Variants in KIF2A observed in about 807,000 individuals in gnomAD.
KIF2A encodes the protein kinesin family member 2A.
Under a neutral mutation model 100.2 loss-of-function variants are expected in KIF2A, and 22 were observed. The observed-to-expected ratio is 0.22, with a 90% CI of 0.16 to 0.31. The LOEUF (loss-of-function observed/expected upper bound fraction) is 0.31. KIF2A is among the 10% of genes least tolerant of loss of function. The probability of loss-of-function intolerance (pLI) is 1.00; values close to 1 mark genes in which losing one functional copy is unlikely to be tolerated. For missense variants in KIF2A, 495 were observed against 898.7 expected, an observed-to-expected ratio of 0.55 and a Z score of 5.74; for synonymous variants, 268 against 285.9, an observed-to-expected ratio of 0.94 and a Z score of 0.63.
At chr5:62,384,740 T>G (rs1434660030) in intron 20 of KIF2A, among the ~76,000 whole-genome samples, 1 of 152,148 alleles carries the variant, frequency 6.6e-6, no homozygotes, top group Non-Finnish European at 1.5e-5. Flanking sequence ...AATCAAGAAA[T>G]ATATCATTTA....
chr5:62,363,043 G>A (rs1748486564), intron 12 of KIF2A, 135 bp from the exon 13 acceptor site: 2 of 633,140 alleles, frequency 3.2e-6, no homozygotes. Context: ...GCCCAGGCTG[G>A]TTTTGAACTC....
rs1222003112 is a variant in KIF2A, at chr5:62,363,124, A to C, written c.1120-54A>C. Reference sequence around the variant, plus strand: ...ATTACAGGCGTGAGCCATTGCACCTAGCCTGTTTTTTACTTTAAAGCTAGT... The same window carrying C: ...ATTACAGGCGTGAGCCATTGCACCTCGCCTGTTTTTTACTTTAAAGCTAGT... On this transcript the variant is annotated intron_variant, in intron 12 of 20. Coordinates refer to ENST00000407818, the MANE Select transcript of KIF2A (RefSeq NM_001098511.3). 6.9e-6 allele frequency: 10 copies of C among 1,448,464 alleles called. No homozygotes were observed. In the South Asian group the frequency reaches 1.0e-4, roughly 15 times the overall value. The allele number at this position is 1,448,464 out of a possible 1,614,324, so 89.7% of individuals were successfully genotyped here.
intron 1 of KIF2A, among the ~76,000 whole-genome samples, chr5:62,315,249 CA>C (rs765995590): frequency 0.34 from 22,691 of 66,638 alleles, 1,697 homozygotes; most frequent in Middle Eastern, 0.43. Flanking sequence ...AAAAACAGAC[CA>C]AAAAAAAAAA....
intron 1 of KIF2A, among the ~76,000 whole-genome samples, chr5:62,319,652 C>T (rs966212410): frequency 1.3e-5 from 2 of 152,190 alleles, no homozygotes; most frequent in African/African-American, 4.8e-5. Flanking sequence ...TATCTGTTTG[C>T]TGAATCAGTG....
In KIF2A at chr5:62,347,278, A is replaced by G. The variant is rs566464920; in HGVS notation, c.159+54A>G. The G allele has an allele frequency of 4.3e-6, 4 of 927,648 alleles. No individual in the cohort carries two copies. In the East Asian group the frequency reaches 1.0e-4, roughly 24 times the overall value. The allele number at this position is 927,648 out of a possible 1,614,324, so 57.5% of individuals were successfully genotyped here. On this transcript the variant is annotated intron_variant, in intron 2 of 20. Transcript: ENST00000407818. The stretch of plus-strand genomic sequence containing the variant: ...TAGTCCTGCAATCAAGATTCTGAAT[A>G]TAAAACAAAACAGAAAAGTACATAA...
chr5:62,320,403 A>G (rs1411848323), intron 1 of KIF2A, among the ~76,000 whole-genome samples: 1 of 152,198 alleles, frequency 6.6e-6, no homozygotes, highest in Non-Finnish European at 1.5e-5. Context: ...ATAATTGTGT[A>G]TGTGTAATTT....
intron 1 of KIF2A, among the ~76,000 whole-genome samples, chr5:62,319,899 GTATGTATA>G (rs1026423081): frequency 3.7e-4 from 57 of 152,212 alleles, no homozygotes; most frequent in African/African-American, 9.6e-4. Flanking sequence ...ATGTATGTAT[GTATGTATA>G]TATCTATTAG....
chr5:62,345,925 A>G (rs2111902692), intron 1 of KIF2A, among the ~76,000 whole-genome samples: 1 of 152,218 alleles, frequency 6.6e-6, no homozygotes, highest in Admixed American at 6.5e-5. Flanking sequence ...GATGAAATAA[A>G]TTTTTTAAAA....
chr5:62,326,337 T>C lies in KIF2A; in HGVS notation c.64+19801T>C, dbSNP rs537855407. ...TCTCAAATAGAAATCTTATTGATAATGCCAGCTTCCCTCATTCCTTGAGGA... is the reference window on the plus strand; with the variant it reads ...TCTCAAATAGAAATCTTATTGATAACGCCAGCTTCCCTCATTCCTTGAGGA... On this transcript the variant is annotated intron_variant, in intron 1 of 20. Coordinates refer to ENST00000407818, the MANE Select transcript of KIF2A (RefSeq NM_001098511.3). 6.6e-5 allele frequency among the ~76,000 whole-genome samples: 10 copies of C among 152,280 alleles called. No homozygotes were observed. The South Asian group carries it at 1.9e-3, about 28-fold the overall frequency.
intron 6 of KIF2A, among the ~76,000 whole-genome samples, 182 bp downstream of exon 6, chr5:62,353,557 T>C (rs1235521574): frequency 1.3e-5 from 2 of 152,184 alleles, no homozygotes; most frequent in African/African-American, 4.8e-5. Context: ...AACACATTTT[T>C]ACTGCATTGT....
At chr5:62,333,163 C>A (rs1746744297) in intron 1 of KIF2A, among the ~76,000 whole-genome samples, 1 of 152,190 alleles carries the variant, frequency 6.6e-6, no homozygotes, top group South Asian at 2.1e-4. Flanking sequence ...AGTTTTGTCA[C>A]ATACAAATAT....
intron 1 of KIF2A, among the ~76,000 whole-genome samples, chr5:62,309,421 G>A (rs903961056): frequency 1.3e-5 from 2 of 152,172 alleles, no homozygotes; most frequent in African/African-American, 4.8e-5. Context: ...AGAGAACTTC[G>A]AAAGAACAGA....
intron 15 of KIF2A, 100 bp from the exon 16 acceptor site, chr5:62,366,314 T>A: frequency 1.4e-6 from 1 of 706,558 alleles, no homozygotes; most frequent in Non-Finnish European, 2.5e-6. Flanking sequence ...TATTTTTAAA[T>A]AACCATGGTA....
At chr5:62,377,981 CT>C (rs1459561125) in intron 19 of KIF2A, among the ~76,000 whole-genome samples, 1 of 152,168 alleles carries the variant, frequency 6.6e-6, no homozygotes, top group Admixed American at 6.5e-5. Flanking sequence ...CTTTATTTAC[CT>C]CCCGTCCCCC....
At chr5:62,383,087 C>A (rs1301858538) in intron 20 of KIF2A, among the ~76,000 whole-genome samples, 1 of 150,946 alleles carries the variant, frequency 6.6e-6, no homozygotes, top group East Asian at 1.9e-4. Context: ...CCACTGTACC[C>A]GGCTACTTTT....
At chr5:62,347,515 GTGT>G (rs1747632291) in intron 2 of KIF2A, among the ~76,000 whole-genome samples, 1 of 152,134 alleles carries the variant, frequency 6.6e-6, no homozygotes, top group Admixed American at 6.5e-5. Context: ...ATTGGTCACT[GTGT>G]TGTTAGCAAT....
At chr5:62,306,857 C>A (rs71617429) in intron 1 of KIF2A, 16,784 of 332,374 alleles carry the variant, frequency 0.05, 654 homozygotes, top group Non-Finnish European at 0.065. Flanking sequence ...AGCCCCCCCC[C>A]GGGGACACCA....
intron 1 of KIF2A, among the ~76,000 whole-genome samples, chr5:62,322,656 C>T (rs1462289076): frequency 6.6e-6 from 1 of 152,148 alleles, no homozygotes; most frequent in Non-Finnish European, 1.5e-5. Context: ...CAACTCTAGT[C>T]TCAAAGTCAT....
At chr5:62,340,837 T>G (rs2111885385) in intron 1 of KIF2A, among the ~76,000 whole-genome samples, 1 of 152,230 alleles carries the variant, frequency 6.6e-6, no homozygotes. Flanking sequence ...TATTATAATT[T>G]AAAAAGAGGT....
Sources: gnomAD v4.1 joint callset for allele counts (sites outside exome capture counted in the v4.1 genomes callset) on GRCh38, gnomAD v4.1.1 for gene constraint, MANE v1.5 for transcripts, NCBI Gene and HGNC (gene_info 2026-07-23, HGNC 2026-07-21) for gene names.